KLHL42: variants seen among roughly 807,000 people sequenced by gnomAD.
KLHL42 encodes kelch-like protein 42.
KLHL42 carries 27 observed loss-of-function variants against 32.7 expected under a neutral mutation model. The observed-to-expected ratio is 0.83, with a 90% CI of 0.61 to 1.14. KLHL42 has a LOEUF of 1.14. Ranked by LOEUF, KLHL42 falls within the 50% of genes most tolerant of loss-of-function variation. The probability of loss-of-function intolerance (pLI) is 0.00; values close to 1 mark genes in which losing one functional copy is unlikely to be tolerated. For synonymous variants in KLHL42, 267 were observed against 248.2 expected (o/e 1.08, Z -0.71); for missense variants, 491 against 560.8 (o/e 0.88, Z 1.26).
chr12:27,780,490 C>A lies in KLHL42; in HGVS notation c.160C>A (p.Leu54Met). 6.5e-7 allele frequency: 1 copy of A among 1,542,876 alleles called. No homozygotes were observed. Among genetic ancestry groups the A allele is most frequent in the Non-Finnish European group, 8.7e-7 (1 of 1,145,522 alleles). ...QEAGGPEVQQ[L>M]RGLSAPGLRL... ...GGCCGGCGGCCCGGAGGTGCAGCAG[C>A]TGCGCGGCCTCAGCGCGCCGGGCCT... Residue 54 changes from leucine (L) to methionine (M), a missense_variant, in exon 1 of 3, where the codon CTG becomes ATG. By Grantham distance (15) the Leu-to-Met change is conservative (BLOSUM62 2). Coordinates refer to ENST00000381271, the MANE Select transcript of KLHL42 (RefSeq NM_020782.2). This position sits in a 1 kb window ranked among gnomAD's most constrained non-coding sequence, Gnocchi z 8.8.
chr12:27,790,666 G>T (rs995301956), intron 1 of KLHL42, among the ~76,000 whole-genome samples: 1 of 152,172 alleles, frequency 6.6e-6, no homozygotes, highest in African/African-American at 2.4e-5. Flanking sequence ...TCTTTTTCAA[G>T]TTATTATTTT....
chr12:27,799,780 C>T lies in KLHL42; in HGVS notation c.*1614C>T. On this transcript the variant is annotated 3_prime_UTR_variant, in exon 3 of 3. Coordinates refer to ENST00000381271, the MANE Select transcript of KLHL42 (RefSeq NM_020782.2). ...AACTTTTTGGGAATACTTCTATTAA[C>T]TAAAATGAGGTAAGCCATTATTTTG... 2 of 173,076 alleles carry T rather than the reference C, an allele frequency of 1.2e-5. No individual in the cohort carries two copies. The highest frequency in any genetic ancestry group is 1.9e-4 in the South Asian group (1 of 5,180). 10.7% of individuals were successfully genotyped at this position (173,076 alleles called of 1,614,324 possible). A position where few individuals can be genotyped will look rare whatever the true frequency, so the allele number is the denominator to read the frequency against.
At position 27,800,369 on chromosome 12, in the gene KLHL42, T is replaced by TGTGC. The variant is rs2062240954; in HGVS notation, c.*2206_*2207insCGTG. ...GTGTGGGGGTGTGTGTGTGTGTGTG[T>TGTGC]GTGTATGTTTGCATATTATAGCTCT... is the stretch of plus-strand genomic sequence containing the variant. On this transcript the variant is annotated 3_prime_UTR_variant, in exon 3 of 3. Coordinates refer to ENST00000381271, the MANE Select transcript of KLHL42 (RefSeq NM_020782.2). 1.0e-6 allele frequency: 1 copy of TGTGC among 984,626 alleles called. No individual in the cohort carries two copies. Among genetic ancestry groups the TGTGC allele is most frequent in the Non-Finnish European group, 1.2e-6 (1 of 829,812 alleles). The allele number at this position is 984,626 out of a possible 1,614,324, so 61.0% of individuals were successfully genotyped here. A position where few individuals can be genotyped will look rare whatever the true frequency, so the allele number is the denominator to read the frequency against.
In KLHL42 at chr12:27,791,900, A is replaced by C; in HGVS notation, c.1065A>C (p.Arg355Ser). Residue 355 changes from arginine (R) to serine (S), a missense_variant and splice_region_variant, in exon 2 of 3, where the codon AGA (arginine) becomes AGC (serine). Around this residue, in one of 4 missense-constraint regions of KLHL42, gnomAD observed 152 missense variants for 125.9 expected, o/e 1.21. Transcript: ENST00000381271. ...KIYVIGGYTTRDRNMNILQYC... is the reference protein window; with the variant it reads ...KIYVIGGYTTSDRNMNILQYC... Reference sequence around the variant, plus strand: ...ATGTCATTGGAGGATACACTACCAGAGGTAAGTGAAGGGACCAGGTAGGTG... The same window carrying C: ...ATGTCATTGGAGGATACACTACCAGCGGTAAGTGAAGGGACCAGGTAGGTG... 6.2e-7 allele frequency: 1 copy of C among 1,613,598 alleles called. No individual in the cohort carries two copies. Among genetic ancestry groups the C allele is most frequent in the Non-Finnish European group, 8.5e-7 (1 of 1,179,800 alleles).
chr12:27,799,015 TAAG>T lies in KLHL42; in HGVS notation c.*852_*854del, dbSNP rs1218191623. 1 of 152,564 alleles carries T rather than the reference TAAG, an allele frequency of 6.6e-6. No individual in the cohort carries two copies. The highest frequency in any genetic ancestry group is 2.4e-5 in the African/African-American group (1 of 41,432). 9.5% of individuals were successfully genotyped at this position (152,564 alleles called of 1,614,324 possible). A position where few individuals can be genotyped will look rare whatever the true frequency, so the allele number is the denominator to read the frequency against. On this transcript the variant is annotated 3_prime_UTR_variant, in exon 3 of 3. Coordinates refer to ENST00000381271, the MANE Select transcript of KLHL42 (RefSeq NM_020782.2). ...AATGGGAAGGGAAGAAAACACCAAA[TAAG>T]AAAAAAATTTGCCTTTAAGAGTTAC... is the stretch of plus-strand genomic sequence containing the variant.
chr12:27,780,996 C>T lies in KLHL42; in HGVS notation c.666C>T (p.Tyr222=). 1.2e-6 allele frequency: 2 copies of T among 1,607,734 alleles called. No homozygotes were observed. Among genetic ancestry groups the T allele is most frequent in the Non-Finnish European group, 1.7e-6 (2 of 1,176,050 alleles). The change falls in exon 1 of 3, where the codon TAC becomes TAT. Residue 222 remains tyrosine, a synonymous_variant. Transcript: ENST00000381271. This position sits in a 1 kb window ranked among gnomAD's most constrained non-coding sequence, Gnocchi z 8.8. ...YQGEPPSMLR[Y]EEMTERWFPL... is the part of the protein sequence containing the mutation. Reference sequence around the variant, plus strand: ...GGGAGCCCCCGTCCATGCTCAGGTACGAGGAGATGACTGAGCGTTGGTTCC... The same window carrying T: ...GGGAGCCCCCGTCCATGCTCAGGTATGAGGAGATGACTGAGCGTTGGTTCC...
In KLHL42 at chr12:27,799,356, T is replaced by G. The variant is rs1456606560; in HGVS notation, c.*1190T>G. On this transcript the variant is annotated 3_prime_UTR_variant, in exon 3 of 3. Transcript: ENST00000381271. ...TAACAATAAAAGCTTCTGCCAATCATAGATCAACATTCCTCAAAAATACAT... is the reference window on the plus strand; with the variant it reads ...TAACAATAAAAGCTTCTGCCAATCAGAGATCAACATTCCTCAAAAATACAT... The G allele has an allele frequency of 1.3e-5, 2 of 152,356 alleles. No individual in the cohort carries two copies. The highest frequency in any genetic ancestry group is 2.4e-5 in the African/African-American group (1 of 41,588). The allele number at this position is 152,356 out of a possible 1,614,324, so 9.4% of individuals were successfully genotyped here. A position where few individuals can be genotyped will look rare whatever the true frequency, so the allele number is the denominator to read the frequency against.
intron 1 of KLHL42, among the ~76,000 whole-genome samples, chr12:27,781,572 G>A (rs1402173007): frequency 3.3e-5 from 5 of 152,188 alleles, no homozygotes; most frequent in Non-Finnish European, 7.3e-5. Flanking sequence ...TGATCCTGAT[G>A]ATAATGATAC....
At chr12:27,786,368 T>A (rs2062171921) in intron 1 of KLHL42, among the ~76,000 whole-genome samples, 1 of 152,192 alleles carries the variant, frequency 6.6e-6, no homozygotes, top group African/African-American at 2.4e-5. Flanking sequence ...CTGTTGGATG[T>A]ACAGAAACTG....
chr12:27,797,900 G>C lies in KLHL42; in HGVS notation c.1252G>C (p.Val418Leu), dbSNP rs201570618. ...CAGCCAGAGCGAGGACATGCTCACC[G>C]TGCAGTCCTACAACACCGTCACCCG... Reference protein sequence around the residue: ...RSSQSEDMLTVQSYNTVTRQW... With the variant: ...RSSQSEDMLTLQSYNTVTRQW... Residue 418 changes from valine (V) to leucine (L), a missense_variant, in exon 3 of 3, where the codon GTG becomes CTG. Physicochemically the swap from Val to Leu is conservative, Grantham distance 32. Transcript: ENST00000381271. 3.8e-6 allele frequency: 3 copies of C among 780,834 alleles called. No individual in the cohort carries two copies. The highest frequency in any genetic ancestry group is 7.2e-6 in the Non-Finnish European group (3 of 418,134). The allele number at this position is 780,834 out of a possible 1,614,324, so 48.4% of individuals were successfully genotyped here.
At position 27,800,846 on chromosome 12, in the gene KLHL42, G is replaced by C. The variant is rs1011929433; in HGVS notation, c.*2680G>C. 2.0e-5 allele frequency: 3 copies of C among 152,144 alleles called. No homozygotes were observed. Among genetic ancestry groups the C allele is most frequent in the African/African-American group, 4.8e-5 (2 of 41,418 alleles). The allele number at this position is 152,144 out of a possible 1,614,324, so 9.4% of individuals were successfully genotyped here. A position where few individuals can be genotyped will look rare whatever the true frequency, so the allele number is the denominator to read the frequency against. On this transcript the variant is annotated 3_prime_UTR_variant, in exon 3 of 3. Transcript: ENST00000381271. ...TCCTGAGATGCTTCTGAGGGATGCT[G>C]ACCTCCCACTATGGGGAAAAGGGTT...
Position 27,780,265 on chromosome 12 carries a change from G to C in KLHL42, c.-66G>C, listed in dbSNP as rs1006086338. On this transcript the variant is annotated 5_prime_UTR_variant, in exon 1 of 3. Transcript: ENST00000381271. The surrounding 1 kb of genome is among the most constrained non-coding windows in gnomAD (Gnocchi z 8.8). ...GGCGCCCCGCCCGGAACCGGCGCGC[G>C]CGTAGGGGCTGGGAGGCCGGCGCGC... The C allele has an allele frequency of 1.1e-5, 16 of 1,395,554 alleles. No homozygotes were observed. Among genetic ancestry groups the C allele is most frequent in the Non-Finnish European group, 1.4e-5 (15 of 1,073,052 alleles). The allele number at this position is 1,395,554 out of a possible 1,614,324, so 86.4% of individuals were successfully genotyped here. A position where few individuals can be genotyped will look rare whatever the true frequency, so the allele number is the denominator to read the frequency against.
At chr12:27,784,029 A>G (rs1159343468) in intron 1 of KLHL42, among the ~76,000 whole-genome samples, 1 of 152,034 alleles carries the variant, frequency 6.6e-6, no homozygotes, top group African/African-American at 2.4e-5. Context: ...ACATCCTGGT[A>G]GATGCGTGCA....
chr12:27,795,932 G>A (rs2062216572), intron 2 of KLHL42, among the ~76,000 whole-genome samples: 1 of 152,308 alleles, frequency 6.6e-6, no homozygotes, highest in Admixed American at 6.5e-5. Flanking sequence ...CTTCGGGCCT[G>A]GAGCTGAGAA....
intron 1 of KLHL42, among the ~76,000 whole-genome samples, chr12:27,786,370 C>T (rs766453254): frequency 1.3e-5 from 2 of 152,182 alleles, no homozygotes; most frequent in Non-Finnish European, 1.5e-5. Context: ...GTTGGATGTA[C>T]AGAAACTGAT....
chr12:27,794,115 G>A lies in KLHL42; in HGVS notation c.1066+2214G>A, dbSNP rs963132720. ...TAATTCAGTGGGGAAGATGGTGGGAGGTGTGTTAGTTTCCTGTGGCTGCCA... is the reference window on the plus strand; with the variant it reads ...TAATTCAGTGGGGAAGATGGTGGGAAGTGTGTTAGTTTCCTGTGGCTGCCA... On this transcript the variant is annotated intron_variant, in intron 2 of 2. Transcript: ENST00000381271. 1.9e-4 allele frequency among the ~76,000 whole-genome samples: 29 copies of A among 152,200 alleles called. 1 individual carries two copies. Among genetic ancestry groups the A allele is most frequent in the Admixed American group, 1.3e-4 (2 of 15,280 alleles).
In KLHL42 at chr12:27,797,978, T is replaced by C. The variant is rs1410533611; in HGVS notation, c.1330T>C (p.Cys444Arg). 1.3e-6 allele frequency: 1 copy of C among 781,036 alleles called. No homozygotes were observed. Among genetic ancestry groups the C allele is most frequent in the African/African-American group, 1.7e-5 (1 of 59,258 alleles). The allele number at this position is 781,036 out of a possible 1,614,324, so 48.4% of individuals were successfully genotyped here. A position where few individuals can be genotyped will look rare whatever the true frequency, so the allele number is the denominator to read the frequency against. Residue 444 changes from cysteine to arginine, a missense_variant, in exon 3 of 3, where the codon TGT becomes CGT. Cys to Arg is a radical substitution (Grantham distance 180). This residue lies in a region of KLHL42 where 152 missense variants were observed against 125.9 expected (regional missense o/e 1.21). Coordinates refer to ENST00000381271, the MANE Select transcript of KLHL42 (RefSeq NM_020782.2). ...GTCCAAATCGGGTCTTAACTTGACT[T>C]GTGCGCTCCATAACGACGGCATCTA... ...NTSKSGLNLT[C>R]ALHNDGIYIM...
rs1166146630 is a variant in KLHL42 at position 27,799,371 on chromosome 12, C to T, written c.*1205C>T. On this transcript the variant is annotated 3_prime_UTR_variant, in exon 3 of 3. Transcript: ENST00000381271. ...CTGCCAATCATAGATCAACATTCCT[C>T]AAAAATACATACACTCATACTTATG... 6.6e-6 allele frequency: 1 copy of T among 152,174 alleles called. No individual in the cohort carries two copies. The highest frequency in any genetic ancestry group is 1.5e-5 in the Non-Finnish European group (1 of 68,022). The allele number at this position is 152,174 out of a possible 1,614,324, so 9.4% of individuals were successfully genotyped here.
At position 27,780,897 on chromosome 12, in the gene KLHL42, G is replaced by T; in HGVS notation, c.567G>T (p.Arg189=). 1.2e-6 allele frequency: 2 copies of T among 1,611,318 alleles called. No individual in the cohort carries two copies. The highest frequency in any genetic ancestry group is 1.1e-5 in the South Asian group (1 of 91,032). Residue 189 remains arginine, a synonymous_variant, in exon 1 of 3, where the codon CGG becomes CGT. Transcript: ENST00000381271. The surrounding 1 kb of genome is among the most constrained non-coding windows in gnomAD (Gnocchi z 8.8). ...VSLKQRLREA[R]MTGTPVLVAL... is the part of the protein sequence containing the mutation. ...TGAAGCAGAGGCTGAGGGAGGCCCG[G>T]ATGACTGGGACTCCTGTCCTCGTGG...
Sources: allele counts gnomAD v4.1 joint callset (sites outside exome capture counted in the v4.1 genomes callset), GRCh38; gene constraint gnomAD v4.1.1; regional missense constraint gnomAD v4.1.1; non-coding constraint Gnocchi (gnomAD v3.1); transcripts MANE v1.5; gene names NCBI Gene and HGNC (gene_info 2026-07-23, HGNC 2026-07-21).